The following SRD5A3 variants were observed in gnomAD, a reference collection of about 807,000 sequenced individuals.
SRD5A3 encodes steroid 5 alpha-reductase 3.
SRD5A3 carries 24 observed loss-of-function variants against 34.3 expected under a neutral mutation model. The observed-to-expected ratio is 0.70, with a 90% CI of 0.51 to 0.99. The LOEUF (loss-of-function observed/expected upper bound fraction) is 0.99, where lower values mean the gene tolerates loss of function less well. Ranked by LOEUF, SRD5A3 falls within the 50% of genes least tolerant of loss-of-function variation. The pLI is 0.00. For synonymous variants in SRD5A3, 161 were observed against 167.3 expected, an observed-to-expected ratio of 0.96 and a Z score of 0.29; for missense variants, 350 against 388.2, an observed-to-expected ratio of 0.90 and a Z score of 0.83.
At chr4:55,354,500 C>T (rs1719353568) in intron 1 of SRD5A3, among the ~76,000 whole-genome samples, 1 of 152,190 alleles carries the variant, frequency 6.6e-6, no homozygotes, top group Non-Finnish European at 1.5e-5. Context: ...CTCATTCCCA[C>T]TACCTTACTG....
chr4:55,359,367 C>T lies in SRD5A3; in HGVS notation c.243C>T (p.Ile81=). ...GCAGATATTTTTCCCACTTTTATAT[C>T]ATCTCAGTGCTGTGGAATGGCTTCC... ...VPKRYFSHFY[I]ISVLWNGFLL... The change falls in exon 2 of 5, where the codon ATC becomes ATT. Residue 81 remains isoleucine (I), a synonymous_variant. Transcript: ENST00000264228. 1.9e-6 allele frequency: 3 copies of T among 1,614,050 alleles called. No homozygotes were observed. The highest frequency in any genetic ancestry group is 2.5e-6 in the Non-Finnish European group (3 of 1,180,028).
chr4:55,353,445 T>G (rs1338644366), intron 1 of SRD5A3, among the ~76,000 whole-genome samples: 1 of 152,018 alleles, frequency 6.6e-6, no homozygotes, highest in Non-Finnish European at 1.5e-5. Context: ...CAATCAGCAC[T>G]CTGTAAAATG....
Position 55,369,812 on chromosome 4 carries a change from ATCT to A in SRD5A3, c.698-15_698-13del, listed in dbSNP as rs753421440. ...TTTCAAACCTTTAAATGCTTATGAG[ATCT>A]TCTTTTACCCTTTCAGGAGTGGTCA... On this transcript the variant is annotated splice_polypyrimidine_tract_variant and intron_variant, in intron 4 of 4. Transcript: ENST00000264228. 3 of 1,613,780 alleles carry A rather than the reference ATCT, an allele frequency of 1.9e-6. No homozygotes were observed. Among genetic ancestry groups the A allele is most frequent in the African/African-American group, 1.3e-5 (1 of 74,930 alleles).
chr4:55,350,693 G>A (rs1319851789), intron 1 of SRD5A3, among the ~76,000 whole-genome samples: 8 of 150,952 alleles, frequency 5.3e-5, no homozygotes, highest in African/African-American at 1.5e-4. Flanking sequence ...ACTGTATAAC[G>A]TAAATCAAAA....
At chr4:55,362,647 G>A (rs201427482) in intron 2 of SRD5A3, among the ~76,000 whole-genome samples, 6 of 150,056 alleles carry the variant, frequency 4.0e-5, no homozygotes, top group East Asian at 2.0e-4. Flanking sequence ...TTTTAGAGAT[G>A]GGGTACCTGC....
chr4:55,348,369 G>T (rs931646487), intron 1 of SRD5A3, among the ~76,000 whole-genome samples: 3 of 152,132 alleles, frequency 2.0e-5, no homozygotes, highest in Non-Finnish European at 4.4e-5. Flanking sequence ...AAAACTGGCA[G>T]TGTCTCCAAA....
chr4:55,353,518 C>G (rs1002450390), intron 1 of SRD5A3, among the ~76,000 whole-genome samples: 3 of 152,196 alleles, frequency 2.0e-5, no homozygotes, highest in Non-Finnish European at 4.4e-5. Context: ...CCCGAGCCAG[C>G]AGCGCCAAGT....
intron 1 of SRD5A3, among the ~76,000 whole-genome samples, chr4:55,350,712 A>C (rs143856917): frequency 9.5e-4 from 145 of 152,252 alleles, no homozygotes; most frequent in African/African-American, 3.3e-3. Context: ...AAAAAGCATA[A>C]AACATATTCT....
intron 1 of SRD5A3, 145 bp from the exon 2 acceptor site, chr4:55,359,201 T>C (rs1000995796): frequency 9.0e-5 from 103 of 1,141,538 alleles, no homozygotes; most frequent in Admixed American, 2.1e-4. Flanking sequence ...TGAACACCTA[T>C]AGGATTCAGA....
chr4:55,363,356 C>T (rs1719757840), intron 2 of SRD5A3, among the ~76,000 whole-genome samples: 1 of 152,096 alleles, frequency 6.6e-6, no homozygotes, highest in Non-Finnish European at 1.5e-5. Context: ...ATCACTTGAG[C>T]TCAGGAGTTC....
chr4:55,354,409 A>G (rs966579005), intron 1 of SRD5A3, among the ~76,000 whole-genome samples: 1 of 152,146 alleles, frequency 6.6e-6, no homozygotes, highest in Non-Finnish European at 1.5e-5. Flanking sequence ...AATATGTATT[A>G]ATATTAAAAA....
At chr4:55,358,304 A>G (rs1719546463) in intron 1 of SRD5A3, among the ~76,000 whole-genome samples, 1 of 152,084 alleles carries the variant, frequency 6.6e-6, no homozygotes, top group South Asian at 2.1e-4. Flanking sequence ...CCAAGGTGGG[A>G]GGGATCTCTT....
intron 2 of SRD5A3, among the ~76,000 whole-genome samples, chr4:55,363,666 CT>C (rs1211103908): frequency 2.0e-5 from 3 of 152,132 alleles, no homozygotes; most frequent in Non-Finnish European, 4.4e-5. Flanking sequence ...TCCTGTCCCC[CT>C]CTCTGCCTCT....
chr4:55,362,011 G>T (rs1017268337), intron 2 of SRD5A3, among the ~76,000 whole-genome samples: 1 of 152,132 alleles, frequency 6.6e-6, no homozygotes, highest in African/African-American at 2.4e-5. Context: ...CTAAGTTTTA[G>T]TTCATTTAAA....
chr4:55,352,106 C>T, intron 1 of SRD5A3: 1 of 785,568 alleles, frequency 1.3e-6, no homozygotes, highest in East Asian at 2.4e-5. Context: ...ATCAGTTATA[C>T]AAGGAATACA....
At chr4:55,358,535 CA>C (rs576702969) in intron 1 of SRD5A3, among the ~76,000 whole-genome samples, 19 of 112,742 alleles carry the variant, frequency 1.7e-4, no homozygotes, top group East Asian at 1.3e-3. Context: ...GACCCTGTCT[CA>C]AAAAAAAAAA....
intron 2 of SRD5A3, among the ~76,000 whole-genome samples, chr4:55,361,719 G>A: frequency 6.6e-6 from 1 of 152,184 alleles, no homozygotes; most frequent in East Asian, 1.9e-4. Flanking sequence ...CAGGAGAATG[G>A]CTTGAACCCA....
intron 3 of SRD5A3, 89 bp from the exon 4 acceptor site, chr4:55,367,499 T>C: frequency 2.7e-6 from 4 of 1,471,742 alleles, no homozygotes; most frequent in Non-Finnish European, 3.8e-6. Context: ...AATAAGTGGA[T>C]AATTGTGTTT....
At chr4:55,366,141 G>A (rs923755465) in intron 3 of SRD5A3, among the ~76,000 whole-genome samples, 1 of 152,196 alleles carries the variant, frequency 6.6e-6, no homozygotes, top group African/African-American at 2.4e-5. Flanking sequence ...GAGTAGAACT[G>A]AGGAAATGTG....
Sources: allele counts gnomAD v4.1 joint callset (sites outside exome capture counted in the v4.1 genomes callset), GRCh38; gene constraint gnomAD v4.1.1; transcripts MANE v1.5; gene names NCBI Gene and HGNC (gene_info 2026-07-23, HGNC 2026-07-21).